OVCH2: variants seen among roughly 807,000 people sequenced by gnomAD.
OVCH2 encodes the protein ovochymase-2.
OVCH2 carries 88 observed loss-of-function variants against 73.7 expected under a neutral mutation model. The observed-to-expected ratio is 1.19, with a 90% CI of 1.01 to 1.43. The LOEUF (loss-of-function observed/expected upper bound fraction) is 1.43. Ranked by LOEUF, OVCH2 falls within the 40% of genes most tolerant of loss-of-function variation. OVCH2 has a pLI of 0.00. For synonymous variants in OVCH2, 265 were observed against 234.5 expected (o/e 1.13, Z -1.19); for missense variants, 706 against 674.5 (o/e 1.05, Z -0.52).
intron 12 of OVCH2, among the ~76,000 whole-genome samples, chr11:7,692,828 G>A (rs1410239367): frequency 6.6e-6 from 1 of 152,194 alleles, no homozygotes; most frequent in South Asian, 2.1e-4. Context: ...AATAAATCAT[G>A]ACAAACCTTT....
At chr11:7,682,674 G>A in the OVCH2 span, among the ~76,000 whole-genome samples, 1 of 152,216 alleles carries the variant, frequency 6.6e-6, no homozygotes, top group Non-Finnish European at 1.5e-5. Context: ...TGCCCCAGCA[G>A]TTTTCTCTTT....
downstream of OVCH2, among the ~76,000 whole-genome samples, chr11:7,686,791 T>C (rs1485287696): frequency 6.6e-6 from 1 of 152,204 alleles, no homozygotes; most frequent in African/African-American, 2.4e-5. Context: ...GTTCTTAAAA[T>C]TGTCTATAGT....
downstream of OVCH2, among the ~76,000 whole-genome samples, chr11:7,686,204 A>G (rs148215009): frequency 2.5e-4 from 38 of 152,354 alleles, no homozygotes; most frequent in Non-Finnish European, 4.4e-4. Context: ...CAGTTTACAA[A>G]TGATCTGGCT....
chr11:7,692,426 T>A (rs556868002), intron 12 of OVCH2, among the ~76,000 whole-genome samples: 1 of 152,306 alleles, frequency 6.6e-6, no homozygotes, highest in Admixed American at 6.5e-5. Flanking sequence ...AAGACTGAAA[T>A]TTGTTGTGCC....
At chr11:7,690,439 T>C (rs543654275) in intron 14 of OVCH2, among the ~76,000 whole-genome samples, 4 of 152,188 alleles carry the variant, frequency 2.6e-5, no homozygotes, top group Non-Finnish European at 5.9e-5. Flanking sequence ...TAGGGATGCA[T>C]TGTTTTCCCT....
downstream of OVCH2, among the ~76,000 whole-genome samples, chr11:7,688,281 T>A (rs1273384685): frequency 6.6e-6 from 1 of 152,178 alleles, no homozygotes; most frequent in Non-Finnish European, 1.5e-5. Flanking sequence ...TTCCTGGACA[T>A]CTGCAGCTGG....
chr11:7,701,553 T>C (rs1856437984), intron 5 of OVCH2, 78 bp from the exon 6 acceptor site: 1 of 1,538,788 alleles, frequency 6.5e-7, no homozygotes. Flanking sequence ...TTTGTGTTTG[T>C]GTCGCTTGGC....
At chr11:7,678,785 G>T in the OVCH2 span, among the ~76,000 whole-genome samples, 1 of 152,186 alleles carries the variant, frequency 6.6e-6, no homozygotes, top group Non-Finnish European at 1.5e-5. Flanking sequence ...GGGACTGCTA[G>T]AAGGGAGAGG....
At chr11:7,695,549 A>G (rs1198373642) in intron 11 of OVCH2, 21 bp downstream of exon 11, 1 of 1,602,564 alleles carries the variant, frequency 6.2e-7, no homozygotes. Flanking sequence ...ATAGTATGTG[A>G]TTAAAAGTAA....
At chr11:7,682,752 C>T in the OVCH2 span, among the ~76,000 whole-genome samples, 2 of 152,200 alleles carry the variant, frequency 1.3e-5, no homozygotes, top group Non-Finnish European at 2.9e-5. Context: ...GCTGTAATTT[C>T]TGCCATGTTT....
At chr11:7,683,836 T>C in the OVCH2 span, among the ~76,000 whole-genome samples, 1 of 152,168 alleles carries the variant, frequency 6.6e-6, no homozygotes, top group Admixed American at 6.5e-5. Flanking sequence ...ATTATCTGCA[T>C]AGCCTTTGCC....
At chr11:7,695,847 A>G in intron 10 of OVCH2, 137 bp from the exon 11 acceptor site, 1 of 1,194,348 alleles carries the variant, frequency 8.4e-7, no homozygotes, top group Non-Finnish European at 1.2e-6. Context: ...CACAATTGAC[A>G]TTTTGAGCCA....
intron 10 of OVCH2, 77 bp from the exon 11 acceptor site, chr11:7,695,787 A>G: frequency 6.5e-7 from 1 of 1,528,020 alleles, no homozygotes; most frequent in Non-Finnish European, 8.9e-7. Flanking sequence ...GAAGAACTGA[A>G]TTTGCCATGA....
At chr11:7,681,974 G>A in the OVCH2 span, among the ~76,000 whole-genome samples, 3 of 152,070 alleles carry the variant, frequency 2.0e-5, no homozygotes, top group Non-Finnish European at 2.9e-5. Context: ...TTTTATGGGG[G>A]CAAAAACAGG....
Position 7,698,755 on chromosome 11 carries a change from G to A in OVCH2, c.920C>T (p.Ser307Phe), listed in dbSNP as rs1161947189. The change falls in exon 8 of 16, where the codon TCC becomes TTC. Residue 307 changes from serine (S) to phenylalanine (F), a missense_variant. Ser to Phe is a radical substitution (Grantham distance 155). Transcript: ENST00000533663. ...AGCCTGCAAGGGATACCCACCTCTG[G>A]AGCTCTTTCTCCGATTACCTGGGAA... ...HIQTGNRRKSSRAWCSEQDVI... is the reference protein window; with the variant it reads ...HIQTGNRRKSFRAWCSEQDVI... 1.2e-6 allele frequency: 2 copies of A among 1,612,618 alleles called. No individual in the cohort carries two copies. Among genetic ancestry groups the A allele is most frequent in the Non-Finnish European group, 1.7e-6 (2 of 1,179,484 alleles).
At position 7,695,620 on chromosome 11, in the gene OVCH2, G is replaced by C. The variant is rs759350855; in HGVS notation, c.1232C>G (p.Ala411Gly). 5.0e-6 allele frequency: 8 copies of C among 1,612,702 alleles called. No individual in the cohort carries two copies. The East Asian group carries it at 1.8e-4, about 36-fold the overall frequency. The change falls in exon 11 of 16, where the codon GCA becomes GGA. Residue 411 changes from alanine to glycine, a missense_variant. Transcript: ENST00000533663. ...TTTATAGGTAAGATTAAACCCAGCT[G>C]CATTATCTGTGGCATCAGAGACGAA... ...LKFVSDATDN[A>G]AGFNLTYKAL... is the part of the protein sequence containing the mutation.
chr11:7,695,196 G>C lies in OVCH2; in HGVS notation c.1283-8C>G. On this transcript the variant is annotated splice_region_variant and splice_polypyrimidine_tract_variant and intron_variant, in intron 11 of 15. Coordinates refer to ENST00000533663, the MANE Select transcript of OVCH2 (RefSeq NM_198185.7). ...AGTAACTGCAACCTGAATCTGAAAC[G>C]TAAGAAAAAGTCCAAACAGATGGCA... 1.3e-6 allele frequency: 2 copies of C among 1,551,868 alleles called. 1 individual carries two copies. The highest frequency in any genetic ancestry group is 2.4e-5 in the South Asian group (2 of 81,938).
chr11:7,696,592 G>A lies in OVCH2; in HGVS notation c.1017-3C>T. On this transcript the variant is annotated splice_region_variant and splice_polypyrimidine_tract_variant and intron_variant, in intron 9 of 15. Transcript: ENST00000533663. ...CCAGCAGGGTCCAGACACACCGTCT[G>A]TAGGCAGATCATGGAGAGGGCGTTA... is the stretch of plus-strand genomic sequence containing the variant. 1.9e-6 allele frequency: 3 copies of A among 1,614,040 alleles called. No individual in the cohort carries two copies. The highest frequency in any genetic ancestry group is 2.2e-5 in the East Asian group (1 of 44,886).
In OVCH2 at chr11:7,695,152, T is replaced by G. The variant is rs1252691623; in HGVS notation, c.1319A>C (p.Glu440Ala). 1 of 1,558,908 alleles carries G rather than the reference T, an allele frequency of 6.4e-7. No individual in the cohort carries two copies. Among genetic ancestry groups the G allele is most frequent in the Non-Finnish European group, 8.7e-7 (1 of 1,151,390 alleles). ...ATAGTTTAGACTCTGTATGAGACCTTCTTCAAAAAGGACAGTTAAGTAACT... is the reference window on the plus strand; with the variant it reads ...ATAGTTTAGACTCTGTATGAGACCTGCTTCAAAAAGGACAGTTAAGTAACT... ...GCSYLTVLFEEGLIQSLNYPE... is the reference protein window; with the variant it reads ...GCSYLTVLFEAGLIQSLNYPE... The change falls in exon 12 of 16, where the codon GAA (glutamate) becomes GCA (alanine). Residue 440 changes from glutamate to alanine, a missense_variant. By Grantham distance (107) the Glu-to-Ala change is moderately radical. Transcript: ENST00000533663.
Sources: allele counts gnomAD v4.1 joint callset (sites outside exome capture counted in the v4.1 genomes callset), GRCh38; gene constraint gnomAD v4.1.1; transcripts MANE v1.5; gene names NCBI Gene and HGNC (gene_info 2026-07-23, HGNC 2026-07-21).